The following IL10RB variants were observed in gnomAD, a reference collection of about 807,000 sequenced individuals.
IL10RB encodes interleukin-10 receptor subunit beta.
A neutral mutation model predicts 38.7 loss-of-function variants in IL10RB; 30 were observed. The observed-to-expected ratio is 0.78, with a 90% CI of 0.58 to 1.05. The LOEUF (loss-of-function observed/expected upper bound fraction) is 1.05, where lower values mean the gene tolerates loss of function less well. Ranked by LOEUF, IL10RB falls within the 50% of genes least tolerant of loss-of-function variation. The pLI, the probability that IL10RB is intolerant of heterozygous loss-of-function variation, is 0.00. For missense variants in IL10RB, 328 were observed against 397.1 expected, an observed-to-expected ratio of 0.83 and a Z score of 1.48; for synonymous variants, 142 against 145.9, an observed-to-expected ratio of 0.97 and a Z score of 0.19.
chr21:33,270,358 G>A (rs1989052744), intron 2 of IL10RB, among the ~76,000 whole-genome samples: 1 of 151,540 alleles, frequency 6.6e-6, no homozygotes, highest in African/African-American at 2.4e-5. Context: ...TCTGTGCTGT[G>A]CTTTTGGGTT....
chr21:33,277,092 TAAAC>T (rs1442641964), intron 3 of IL10RB, among the ~76,000 whole-genome samples: 1 of 152,138 alleles, frequency 6.6e-6, no homozygotes, highest in Non-Finnish European at 1.5e-5. Flanking sequence ...AATTATGACT[TAAAC>T]AAAGAAACAT....
intron 1 of IL10RB, 110 bp from the exon 2 acceptor site, chr21:33,268,284 C>T (rs1989010480): frequency 1.9e-6 from 3 of 1,578,698 alleles, no homozygotes; most frequent in East Asian, 2.3e-5. Context: ...ACCCACGTGG[C>T]CTTTGAAGAC....
At chr21:33,289,318 G>A (rs1036908637) in intron 6 of IL10RB, among the ~76,000 whole-genome samples, 8 of 152,224 alleles carry the variant, frequency 5.3e-5, no homozygotes, top group Non-Finnish European at 1.0e-4. Context: ...TCCAGGATCT[G>A]AGTTGATCTC....
At chr21:33,296,147 G>T in intron 6 of IL10RB, 37 bp from the exon 7 acceptor site, 1 of 1,558,504 alleles carries the variant, frequency 6.4e-7, no homozygotes, top group Middle Eastern at 1.7e-4. Flanking sequence ...AAGAAATGGA[G>T]AAAATTGATC....
At chr21:33,303,786 C>T (rs1332681922) in intron 1 of IL10RB, among the ~76,000 whole-genome samples, 3 of 152,234 alleles carry the variant, frequency 2.0e-5, no homozygotes, top group Non-Finnish European at 2.9e-5. Flanking sequence ...CTACAGCCCC[C>T]GCTCTGGCCT....
downstream of IL10RB, among the ~76,000 whole-genome samples, chr21:33,302,062 T>C (rs1053006412): frequency 6.6e-6 from 1 of 152,252 alleles, no homozygotes; most frequent in Non-Finnish European, 1.5e-5. Flanking sequence ...GCAGACTCTC[T>C]CTGTTGCCTT....
At chr21:33,268,136 T>A in intron 1 of IL10RB, 1 of 1,131,766 alleles carries the variant, frequency 8.8e-7, no homozygotes, top group Non-Finnish European at 1.2e-6. Context: ...TACCCCCTCA[T>A]AGCTTTCTGC....
chr21:33,281,807 C>T (rs753156848), intron 4 of IL10RB, among the ~76,000 whole-genome samples: 7 of 152,110 alleles, frequency 4.6e-5, no homozygotes, highest in Non-Finnish European at 8.8e-5. Context: ...ATTCCTGAGG[C>T]GGTGCCAGAC....
At chr21:33,291,426 C>T (rs8178543) in intron 6 of IL10RB, among the ~76,000 whole-genome samples, 3,341 of 152,080 alleles carry the variant, frequency 0.022, 120 homozygotes, top group African/African-American at 0.073. Context: ...CCACCACGCC[C>T]GGCTAATTTT....
At chr21:33,282,901 T>C (rs112201579) in intron 4 of IL10RB, among the ~76,000 whole-genome samples, 193 bp from the exon 5 acceptor site, 12 of 152,272 alleles carry the variant, frequency 7.9e-5, no homozygotes, top group African/African-American at 2.9e-4. Flanking sequence ...CCAAAATGGT[T>C]TGTGGGCACC....
chr21:33,283,978 T>C (rs1019204889), intron 5 of IL10RB, among the ~76,000 whole-genome samples: 1 of 152,146 alleles, frequency 6.6e-6, no homozygotes, highest in Non-Finnish European at 1.5e-5. Context: ...AAACATGGCA[T>C]GCGGCATGCA....
intron 5 of IL10RB, among the ~76,000 whole-genome samples, chr21:33,284,976 C>T (rs894109325): frequency 1.3e-5 from 2 of 152,132 alleles, no homozygotes; most frequent in Non-Finnish European, 2.9e-5. Context: ...GCACAACCTC[C>T]GCCTCCTGGG....
At chr21:33,275,152 CTTTTT>C (rs71320298) in intron 2 of IL10RB, among the ~76,000 whole-genome samples, 1 of 102,308 alleles carries the variant, frequency 9.8e-6, no homozygotes, top group Non-Finnish European at 2.0e-5. Flanking sequence ...TCCAACTTTT[CTTTTT>C]TTTTTTTTTT....
chr21:33,290,281 C>G (rs1338715300), intron 6 of IL10RB, among the ~76,000 whole-genome samples: 2 of 151,870 alleles, frequency 1.3e-5, no homozygotes, highest in Non-Finnish European at 2.9e-5. Flanking sequence ...GAGCGAGACT[C>G]CATCTCAAAA....
intron 2 of IL10RB, among the ~76,000 whole-genome samples, chr21:33,271,715 G>A (rs1387340964): frequency 6.7e-6 from 1 of 149,834 alleles, no homozygotes; most frequent in African/African-American, 2.5e-5. Flanking sequence ...GTGACAGAGT[G>A]AGACTCCATC....
At chr21:33,281,618 C>A (rs537466103) in intron 4 of IL10RB, among the ~76,000 whole-genome samples, 4 of 152,232 alleles carry the variant, frequency 2.6e-5, no homozygotes, top group African/African-American at 9.6e-5. Context: ...CACAGTCTGT[C>A]GTTGCCCAGG....
intron 5 of IL10RB, among the ~76,000 whole-genome samples, chr21:33,283,884 A>C (rs1989325092): frequency 1.3e-5 from 2 of 152,248 alleles, no homozygotes; most frequent in African/African-American, 4.8e-5. Context: ...ACTGAGGCCC[A>C]GGTGTCTGCA....
chr21:33,305,369 C>T (rs1345028040), intron 1 of IL10RB, among the ~76,000 whole-genome samples: 1 of 152,104 alleles, frequency 6.6e-6, no homozygotes. Context: ...CTCGGCCTCT[C>T]AAAGTGCTGG....
chr21:33,296,157 C>G, intron 6 of IL10RB, 27 bp from the exon 7 acceptor site: 1 of 1,585,212 alleles, frequency 6.3e-7, no homozygotes, highest in Non-Finnish European at 8.7e-7. Flanking sequence ...GAAAATTGAT[C>G]ATTAACTGTC....
Sources: allele counts gnomAD v4.1 joint callset (sites outside exome capture counted in the v4.1 genomes callset), GRCh38; gene constraint gnomAD v4.1.1; transcripts MANE v1.5; gene names NCBI Gene and HGNC (gene_info 2026-07-23, HGNC 2026-07-21).